Variants in RHCG observed in about 807,000 individuals in gnomAD.
The protein encoded by RHCG is ammonium transporter Rh type C.
Under a neutral mutation model 55.3 loss-of-function variants are expected in RHCG, and 39 were observed. The observed-to-expected ratio is 0.70, with a 90% CI of 0.55 to 0.92. The LOEUF is 0.92. Ranked by LOEUF, RHCG falls within the 40% of genes least tolerant of loss-of-function variation. The pLI is 0.00. For missense variants in RHCG, 635 were observed against 627.9 expected (o/e 1.01, Z -0.12); for synonymous variants, 250 against 246.8 (o/e 1.01, Z -0.12).
In RHCG at chr15:89,477,859, G is replaced by A. The variant is rs1961184114; in HGVS notation, c.953C>T (p.Thr318Ile). ...IIGFVCGIIS[T>I]LGFVYLTPFL... The stretch of plus-strand genomic sequence containing the variant: ...TACGGTCAGGTATACAAAACCCAGG[G>A]TGGAGATGATGCCGCAGACGAAGCC... Residue 318 changes from threonine (T) to isoleucine (I), a missense_variant, in exon 6 of 11, where the codon ACC becomes ATC. Physicochemically the swap from Thr to Ile is moderately conservative, Grantham distance 89. Transcript: ENST00000268122. This position sits in a 1 kb window ranked among gnomAD's most constrained non-coding sequence, Gnocchi z 4.5. The A allele has an allele frequency of 1.9e-6, 3 of 1,613,984 alleles. No individual in the cohort carries two copies. Among genetic ancestry groups the A allele is most frequent in the Non-Finnish European group, 2.5e-6 (3 of 1,180,020 alleles).
intron 2 of RHCG, among the ~76,000 whole-genome samples, chr15:89,485,006 G>T (rs1410649705): frequency 6.6e-6 from 1 of 152,080 alleles, no homozygotes; most frequent in Non-Finnish European, 1.5e-5. Flanking sequence ...GATCCACAAG[G>T]TCAGGTCTGG....
intron 9 of RHCG, among the ~76,000 whole-genome samples, chr15:89,475,124 TCATTCCTG>T (rs1961121235): frequency 1.4e-5 from 2 of 144,922 alleles, no homozygotes; most frequent in East Asian, 2.1e-4. Flanking sequence ...CTGCCTTCAT[TCATTCCTG>T]CCTGCCTTCC....
chr15:89,474,263 C>T (rs11854031), intron 9 of RHCG, among the ~76,000 whole-genome samples: 12,954 of 152,178 alleles, frequency 0.085, 1,835 homozygotes, highest in African/African-American at 0.29. Flanking sequence ...CTTTAATGAG[C>T]GCCTAGTCAT....
intron 8 of RHCG, 71 bp from the exon 9 acceptor site, chr15:89,476,899 G>C: frequency 1.3e-6 from 2 of 1,547,852 alleles, no homozygotes; most frequent in Non-Finnish European, 1.8e-6. Context: ...ATTTCCCTCA[G>C]CTGGGAAAAT....
chr15:89,493,851 C>A (rs1961519147), intron 1 of RHCG, among the ~76,000 whole-genome samples: 1 of 152,142 alleles, frequency 6.6e-6, no homozygotes, highest in African/African-American at 2.4e-5. Flanking sequence ...CCTTAGTTTC[C>A]TCATCTGTAG....
chr15:89,476,002 TCTTG>T (rs1409904372), intron 9 of RHCG, among the ~76,000 whole-genome samples: 11 of 142,172 alleles, frequency 7.7e-5, no homozygotes, highest in African/African-American at 3.1e-4. Flanking sequence ...TCTCTCTCTC[TCTTG>T]CTCTCGCTCT....
intron 2 of RHCG, among the ~76,000 whole-genome samples, chr15:89,485,970 T>C (rs1961351032): frequency 6.6e-6 from 1 of 152,204 alleles, no homozygotes; most frequent in Non-Finnish European, 1.5e-5. Flanking sequence ...TATAACCTGT[T>C]GGTGGTGTTG....
rs1471026536 is a variant in RHCG at position 89,496,565 on chromosome 15, G to A, written c.-21C>T. 5 of 1,600,240 alleles carry A rather than the reference G, an allele frequency of 3.1e-6. No homozygotes were observed. The Admixed American group carries it at 5.0e-5, about 16-fold the overall frequency. ...GCCATGCTGCAGGGGTGCCTGGCCG[G>A]GCTGGCAGCGGGCGGTTCGGACGCT... On this transcript the variant is annotated 5_prime_UTR_variant, in exon 1 of 11. Transcript: ENST00000268122.
chr15:89,491,064 G>C (rs1961466965), intron 1 of RHCG, among the ~76,000 whole-genome samples: 1 of 152,178 alleles, frequency 6.6e-6, no homozygotes, highest in African/African-American at 2.4e-5. Flanking sequence ...TCAGTTGCCT[G>C]GTGGTATAGA....
intron 9 of RHCG, among the ~76,000 whole-genome samples, chr15:89,475,824 C>T (rs2141887778): frequency 6.6e-6 from 1 of 152,296 alleles, no homozygotes; most frequent in East Asian, 1.9e-4. Flanking sequence ...TGTCAAAGCT[C>T]CCTAGGTGAT....
At chr15:89,481,494 T>C (rs974098855) in intron 3 of RHCG, among the ~76,000 whole-genome samples, 1 of 150,248 alleles carries the variant, frequency 6.7e-6, no homozygotes, top group Non-Finnish European at 1.5e-5. Flanking sequence ...GATTCAGTAA[T>C]GCAAAGGACT....
chr15:89,485,921 T>C (rs917700468), intron 2 of RHCG, among the ~76,000 whole-genome samples: 2 of 152,340 alleles, frequency 1.3e-5, no homozygotes, highest in Non-Finnish European at 2.9e-5. Flanking sequence ...ACTTTCTCCA[T>C]TGATTTTTTT....
At chr15:89,494,599 C>T (rs939993477) in intron 1 of RHCG, among the ~76,000 whole-genome samples, 1 of 150,978 alleles carries the variant, frequency 6.6e-6, no homozygotes, top group Non-Finnish European at 1.5e-5. Context: ...TCTGCAGCTC[C>T]TATTATAGGG....
chr15:89,486,868 T>C lies in RHCG; in HGVS notation c.302A>G (p.Gln101Arg), dbSNP rs1243573113. 4.3e-6 allele frequency: 7 copies of C among 1,612,366 alleles called. No individual in the cohort carries two copies. The highest frequency in any genetic ancestry group is 5.9e-6 in the Non-Finnish European group (7 of 1,178,648). The change falls in exon 2 of 11, where the codon CAG (glutamine) becomes CGG (arginine). Residue 101 changes from glutamine to arginine, a missense_variant. By Grantham distance (43) the Gln-to-Arg change is conservative. Transcript: ENST00000268122. ...FNFLLAAFGI[Q>R]WALLMQGWFH... ...CCAGCCCTGCATGAGCAGCGCCCAC[T>C]GGATGCCGAAGGCTGCCAACAGGAA...
chr15:89,471,692 G>C lies in RHCG; in HGVS notation c.*188C>G, dbSNP rs1961039793. Reference sequence around the variant, plus strand: ...ACCCGGCTTGGATGCCCACTTTGTAGCTTCTCCTTCTCCATTCTCAGTCAG... The same window carrying C: ...ACCCGGCTTGGATGCCCACTTTGTACCTTCTCCTTCTCCATTCTCAGTCAG... On this transcript the variant is annotated 3_prime_UTR_variant, in exon 11 of 11. Transcript: ENST00000268122. 1 of 152,868 alleles carries C rather than the reference G, an allele frequency of 6.5e-6. No individual in the cohort carries two copies. The highest frequency in any genetic ancestry group is 1.5e-5 in the Non-Finnish European group (1 of 68,178). 9.5% of individuals were successfully genotyped at this position (152,868 alleles called of 1,614,324 possible). A position where few individuals can be genotyped will look rare whatever the true frequency, so the allele number is the denominator to read the frequency against.
In RHCG at chr15:89,486,816, G is replaced by C; in HGVS notation, c.354C>G (p.Ile118Met). The change falls in exon 2 of 11, where the codon ATC becomes ATG. Residue 118 changes from isoleucine to methionine, a missense_variant. By Grantham distance (10) the Ile-to-Met change is conservative (BLOSUM62 1). Transcript: ENST00000268122. ...GCGCTCACTTCTCCACGCCCACGAC[G>C]ATGTAGCGGTCTTGTAAGAAGTGGA... ...GWFHFLQDRY[I>M]VVGVENLINA... 1.9e-6 allele frequency: 3 copies of C among 1,593,966 alleles called. No individual in the cohort carries two copies. The highest frequency in any genetic ancestry group is 1.7e-6 in the Non-Finnish European group (2 of 1,165,184).
At chr15:89,486,655 A>T in intron 2 of RHCG, 144 bp downstream of exon 2, 8 of 339,522 alleles carry the variant, frequency 2.4e-5, no homozygotes, top group Middle Eastern at 7.7e-4. Context: ...TCTGTCTCGC[A>T]AGCCCAGTGT....
At chr15:89,475,255 CT>C (rs1961126768) in intron 9 of RHCG, among the ~76,000 whole-genome samples, 1 of 146,220 alleles carries the variant, frequency 6.8e-6, no homozygotes, top group Admixed American at 6.9e-5. Flanking sequence ...TTTTTTCTTC[CT>C]TTTTGGTCTC....
chr15:89,484,003 C>G (rs970030358), intron 2 of RHCG, among the ~76,000 whole-genome samples: 24 of 152,232 alleles, frequency 1.6e-4, no homozygotes, highest in African/African-American at 5.8e-4. Context: ...TCCTTGTCCC[C>G]TGCCAGCAGC....
Sources: allele counts gnomAD v4.1 joint callset (sites outside exome capture counted in the v4.1 genomes callset), GRCh38; gene constraint gnomAD v4.1.1; non-coding constraint Gnocchi (gnomAD v3.1); transcripts MANE v1.5; gene names NCBI Gene and HGNC (gene_info 2026-07-23, HGNC 2026-07-21).